The following IFT122 variants were observed in gnomAD, a reference collection of about 807,000 sequenced individuals.
The protein encoded by IFT122 is intraflagellar transport protein 122 homolog.
A neutral mutation model predicts 161.6 loss-of-function variants in IFT122; 118 were observed. That is an observed-to-expected ratio of 0.73 (90% CI 0.63 to 0.85). The LOEUF (loss-of-function observed/expected upper bound fraction) is 0.85, where lower values mean the gene tolerates loss of function less well. IFT122 is among the 40% of genes least tolerant of loss of function. The pLI, the probability that IFT122 is intolerant of heterozygous loss-of-function variation, is 0.00. For missense variants in IFT122, 1,381 were observed against 1,579.6 expected, an observed-to-expected ratio of 0.87 and a Z score of 2.13; for synonymous variants, 550 against 602.4, an observed-to-expected ratio of 0.91 and a Z score of 1.27.
At chr3:129,463,533 C>T (rs781700869) in intron 5 of IFT122, 27 bp from the exon 6 acceptor site, 3 of 1,601,262 alleles carry the variant, frequency 1.9e-6, no homozygotes, top group Non-Finnish European at 2.6e-6. Flanking sequence ...ACCAATCCAT[C>T]TTCTTTTATA....
intron 15 of IFT122, among the ~76,000 whole-genome samples, chr3:129,486,509 GA>G (rs1238836176): frequency 2.0e-5 from 3 of 152,224 alleles, no homozygotes; most frequent in Non-Finnish European, 4.4e-5. Context: ...CTTTAGAAAG[GA>G]AAGCTCATTG....
intron 17 of IFT122, 62 bp downstream of exon 17, chr3:129,492,256 A>T: frequency 7.8e-7 from 1 of 1,290,230 alleles, no homozygotes; most frequent in Non-Finnish European, 1.1e-6. Context: ...TTTTAGGGGC[A>T]GCCCTTCTAA....
chr3:129,512,789 G>A (rs753688569), intron 24 of IFT122: 54 of 338,016 alleles, frequency 1.6e-4, no homozygotes, highest in South Asian at 7.0e-4. Context: ...GTTCAGCCCA[G>A]GTATACATAG....
chr3:129,490,289 C>T (rs747211414), intron 16 of IFT122, among the ~76,000 whole-genome samples: 1 of 152,204 alleles, frequency 6.6e-6, no homozygotes, highest in Admixed American at 6.5e-5. Flanking sequence ...ATCCCGAGTA[C>T]CCCACCTCTT....
At chr3:129,483,362 C>T (rs958248849) in intron 14 of IFT122, 123 bp from the exon 15 acceptor site, 1 of 839,844 alleles carries the variant, frequency 1.2e-6, no homozygotes, top group African/African-American at 1.7e-5. Flanking sequence ...ATCCTTTTCC[C>T]TCCATCCCAC....
intron 5 of IFT122, among the ~76,000 whole-genome samples, chr3:129,461,718 T>TG (rs2076234347): frequency 6.6e-6 from 1 of 152,212 alleles, no homozygotes. Flanking sequence ...TCTTCACTGT[T>TG]GCGGTTCTAC....
At chr3:129,511,425 A>C (rs1272904712) in intron 23 of IFT122, among the ~76,000 whole-genome samples, 2 of 152,216 alleles carry the variant, frequency 1.3e-5, no homozygotes, top group African/African-American at 4.8e-5. Context: ...TTAGGGGTTA[A>C]GCTTTGGTGG....
At chr3:129,449,224 T>C (rs1294850045) in intron 1 of IFT122, among the ~76,000 whole-genome samples, 1 of 152,246 alleles carries the variant, frequency 6.6e-6, no homozygotes, top group Non-Finnish European at 1.5e-5. Flanking sequence ...TACTGTTCTG[T>C]ATTTCATCCA....
intron 18 of IFT122, among the ~76,000 whole-genome samples, chr3:129,497,187 G>A (rs896633666): frequency 2.0e-5 from 3 of 152,186 alleles, no homozygotes; most frequent in African/African-American, 7.2e-5. Context: ...AAGATTGCTT[G>A]AGCCCCAGAG....
chr3:129,467,196 C>T (rs994809027), intron 8 of IFT122, 130 bp downstream of exon 8: 4 of 808,798 alleles, frequency 4.9e-6, no homozygotes, highest in African/African-American at 1.8e-5. Flanking sequence ...GTGAAAGCGC[C>T]TTCAAAAAAA....
At chr3:129,492,873 C>T (rs1179977820) in intron 17 of IFT122, among the ~76,000 whole-genome samples, 1 of 148,888 alleles carries the variant, frequency 6.7e-6, no homozygotes, top group African/African-American at 2.5e-5. Context: ...GGCTCAAGCG[C>T]AGTGGCACGA....
At chr3:129,450,072 A>G (rs1256585902) in intron 2 of IFT122, 135 bp downstream of exon 2, 1 of 697,062 alleles carries the variant, frequency 1.4e-6, no homozygotes, top group Admixed American at 2.3e-5. Flanking sequence ...ATTACTTTTT[A>G]ATAGGGATGG....
chr3:129,518,724 G>A (rs1198208311), intron 27 of IFT122, among the ~76,000 whole-genome samples: 3 of 152,140 alleles, frequency 2.0e-5, no homozygotes, highest in Admixed American at 6.5e-5. Flanking sequence ...AGTCTGACCC[G>A]CCCTGGGGTC....
chr3:129,520,212 C>T lies in IFT122; in HGVS notation c.3673C>T (p.Gln1225Ter). The change falls in exon 30 of 30, where the codon CAG becomes TAG. Residue 1225 changes from glutamine to a stop codon, truncating the protein, a stop_gained. Coordinates refer to ENST00000348417, the MANE Select transcript of IFT122 (RefSeq NM_052989.3). LOFTEE classifies it high-confidence loss of function. Reference protein sequence around the residue: ...HSEDYELLVLQHGCCPYCRRC... With the variant: ...HSEDYELLVL The stretch of plus-strand genomic sequence containing the variant: ...TGAGGACTATGAGTTGCTGGTGCTT[C>T]AGCATGGCTGCTGCCCCTACTGCCG... 3 of 1,612,318 alleles carry T rather than the reference C, an allele frequency of 1.9e-6. No homozygotes were observed. The highest frequency in any genetic ancestry group is 2.5e-6 in the Non-Finnish European group (3 of 1,179,974).
chr3:129,448,990 C>T (rs1179184619), intron 1 of IFT122, among the ~76,000 whole-genome samples: 7 of 152,184 alleles, frequency 4.6e-5, no homozygotes, highest in Admixed American at 6.5e-5. Context: ...TGAGCCGCTG[C>T]GCCAGGCCTC....
At chr3:129,511,614 A>C (rs528115066) in intron 23 of IFT122, among the ~76,000 whole-genome samples, 2 of 152,336 alleles carry the variant, frequency 1.3e-5, no homozygotes, top group African/African-American at 2.4e-5. Context: ...AGACCCTCAC[A>C]CAGAAAATTC....
In IFT122 at chr3:129,475,303, A is replaced by G. The variant is rs893183050; in HGVS notation, c.817-1012A>G. Among the ~76,000 whole-genome samples, 5 of 152,318 alleles carry G rather than the reference A, an allele frequency of 3.3e-5. No individual in the cohort carries two copies. In the East Asian group the frequency reaches 9.6e-4, roughly 29 times the overall value. ...TGCTAATGCAAATATAAAGTGGTGC[A>G]TTCACTTGAAAAGTGTAGCAGTTCC... On this transcript the variant is annotated intron_variant, in intron 9 of 29. Transcript: ENST00000348417.
rs774949584 is a variant in IFT122 at position 129,477,971 on chromosome 3, A to G, written c.1148-45A>G. On this transcript the variant is annotated intron_variant, in intron 11 of 29. Coordinates refer to ENST00000348417, the MANE Select transcript of IFT122 (RefSeq NM_052989.3). ...TTTTAATTTCTCTGCCTTGCACCTT[A>G]CATAACAACCTCTTGCTAGAACTAG... is the stretch of plus-strand genomic sequence containing the variant. 4.6e-6 allele frequency: 7 copies of G among 1,524,950 alleles called. 1 individual carries two copies. Among genetic ancestry groups the G allele is most frequent in the Middle Eastern group, 3.4e-4 (2 of 5,928 alleles). The allele number at this position is 1,524,950 out of a possible 1,614,324, so 94.5% of individuals were successfully genotyped here. A position where few individuals can be genotyped will look rare whatever the true frequency, so the allele number is the denominator to read the frequency against.
At chr3:129,514,768 C>G (rs1233251014) in intron 25 of IFT122, 2 of 647,954 alleles carry the variant, frequency 3.1e-6, no homozygotes, top group African/African-American at 3.6e-5. Context: ...GCTCACAGCC[C>G]CCGGCCCCGG....
Sources: allele counts gnomAD v4.1 joint callset (sites outside exome capture counted in the v4.1 genomes callset), GRCh38; gene constraint gnomAD v4.1.1; transcripts MANE v1.5; gene names NCBI Gene and HGNC (gene_info 2026-07-23, HGNC 2026-07-21).